The following KCNIP4 variants were observed in gnomAD, a reference collection of about 807,000 sequenced individuals.
KCNIP4 encodes the protein Kv channel-interacting protein 4.
A neutral mutation model predicts 34.0 loss-of-function variants in KCNIP4; 12 were observed. The observed-to-expected ratio is 0.35, with a 90% confidence interval of 0.23 to 0.57. The LOEUF (loss-of-function observed/expected upper bound fraction) is 0.57, where lower values mean the gene tolerates loss of function less well. KCNIP4 is among the 20% of genes least tolerant of loss of function. KCNIP4 has a pLI of 0.83. For missense variants in KCNIP4, 238 were observed against 311.7 expected, an observed-to-expected ratio of 0.76 and a Z score of 1.78; for synonymous variants, 124 against 102.2, an observed-to-expected ratio of 1.21 and a Z score of -1.29.
chr4:21,801,790 T>C (rs1721015062), intron 1 of KCNIP4, among the ~76,000 whole-genome samples: 1 of 151,768 alleles, frequency 6.6e-6, no homozygotes, highest in African/African-American at 2.4e-5. Context: ...AGGATTTTTA[T>C]TTTTTTATAG....
intron 1 of KCNIP4, among the ~76,000 whole-genome samples, chr4:21,218,480 G>C (rs1484491852): frequency 6.6e-6 from 1 of 151,890 alleles, no homozygotes; most frequent in Non-Finnish European, 1.5e-5. Flanking sequence ...ATAAAACTTG[G>C]CATATTAGAG....
chr4:20,927,824 C>T (rs543690795), intron 1 of KCNIP4, among the ~76,000 whole-genome samples: 1 of 152,208 alleles, frequency 6.6e-6, no homozygotes, highest in Non-Finnish European at 1.5e-5. Flanking sequence ...ATAAATGCTA[C>T]ATTTATCTAG....
intron 1 of KCNIP4, among the ~76,000 whole-genome samples, chr4:21,605,920 T>A (rs1013132305): frequency 6.6e-6 from 1 of 152,220 alleles, no homozygotes; most frequent in Non-Finnish European, 1.5e-5. Flanking sequence ...TGAGGGAGTC[T>A]TCTTCCAGAC....
intron 1 of KCNIP4, among the ~76,000 whole-genome samples, chr4:21,130,802 C>T (rs1318362283): frequency 6.6e-6 from 1 of 152,138 alleles, no homozygotes; most frequent in African/African-American, 2.4e-5. Context: ...TATGACTCAG[C>T]AATTTCCCAC....
intron 1 of KCNIP4, among the ~76,000 whole-genome samples, chr4:21,248,939 T>C (rs968895003): frequency 2.6e-5 from 4 of 152,156 alleles, no homozygotes; most frequent in African/African-American, 9.7e-5. Flanking sequence ...CTGTTGTATC[T>C]CCCCATGAGG....
intron 1 of KCNIP4, among the ~76,000 whole-genome samples, chr4:21,924,935 C>G (rs1281326646): frequency 6.6e-6 from 1 of 152,058 alleles, no homozygotes. Flanking sequence ...TGTCCTGAGT[C>G]CTTAAGATAG....
intron 1 of KCNIP4, among the ~76,000 whole-genome samples, chr4:21,520,892 G>C (rs1735463516): frequency 6.6e-6 from 1 of 152,088 alleles, no homozygotes. Context: ...ATGCTCTTAA[G>C]GCATATAAAG....
intron 1 of KCNIP4, among the ~76,000 whole-genome samples, chr4:21,594,704 T>C (rs1237910876): frequency 6.6e-6 from 1 of 152,030 alleles, no homozygotes; most frequent in African/African-American, 2.4e-5. Context: ...AAAGATAATT[T>C]AAAAATTACA....
chr4:21,832,605 A>G (rs200150594), intron 1 of KCNIP4, among the ~76,000 whole-genome samples: 1,271 of 37,040 alleles, frequency 0.034, 14 homozygotes, highest in South Asian at 0.15. Context: ...TATTATTATC[A>G]TACTTTTAAG....
chr4:20,856,767 T>C (rs1168316934), intron 2 of KCNIP4, among the ~76,000 whole-genome samples: 1 of 152,206 alleles, frequency 6.6e-6, no homozygotes, highest in East Asian at 1.9e-4. Context: ...CTCTATTTAT[T>C]GTACTGGGAA....
At chr4:21,849,662 T>C (rs1230890323) in intron 1 of KCNIP4, 1 of 152,138 alleles carries the variant, frequency 6.6e-6, no homozygotes, top group East Asian at 1.9e-4. Flanking sequence ...CCTGAATTTA[T>C]ATCCAATTTA....
intron 1 of KCNIP4, among the ~76,000 whole-genome samples, chr4:21,351,924 G>A (rs144608000): frequency 1.3e-5 from 2 of 152,094 alleles, no homozygotes; most frequent in African/African-American, 4.8e-5. Context: ...TAGCAAACTA[G>A]CATACTAATG....
intron 5 of KCNIP4, among the ~76,000 whole-genome samples, chr4:20,744,674 G>A (rs1471977647): frequency 2.6e-5 from 4 of 152,086 alleles, no homozygotes; most frequent in East Asian, 1.9e-4. Context: ...TGTAAATGAC[G>A]TGTTAATGGG....
At chr4:21,872,350 G>T (rs919994934) in intron 1 of KCNIP4, among the ~76,000 whole-genome samples, 1 of 152,126 alleles carries the variant, frequency 6.6e-6, no homozygotes, top group African/African-American at 2.4e-5. Flanking sequence ...TATGAGCCAG[G>T]ATTTATTCTA....
chr4:20,922,230 C>A (rs1729453479), intron 1 of KCNIP4, among the ~76,000 whole-genome samples: 1 of 152,132 alleles, frequency 6.6e-6, no homozygotes, highest in African/African-American at 2.4e-5. Context: ...AGGGTGTTAA[C>A]TGGAAGAGAT....
At chr4:21,684,090 T>C (rs1750624353) in intron 1 of KCNIP4, among the ~76,000 whole-genome samples, 2 of 152,060 alleles carry the variant, frequency 1.3e-5, no homozygotes, top group South Asian at 2.1e-4. Flanking sequence ...AGTTTACTTA[T>C]ATAACACATG....
intron 1 of KCNIP4, among the ~76,000 whole-genome samples, chr4:21,410,061 G>A (rs74902961): frequency 4.6e-5 from 7 of 152,246 alleles, no homozygotes; most frequent in African/African-American, 1.4e-4. Flanking sequence ...CCTTCTACGA[G>A]AGTACAGTAA....
chr4:20,943,593 C>T (rs1731884582), intron 1 of KCNIP4, among the ~76,000 whole-genome samples: 1 of 152,100 alleles, frequency 6.6e-6, no homozygotes, highest in African/African-American at 2.4e-5. Flanking sequence ...ATGGCTAACC[C>T]CATTTTATGG....
At chr4:21,028,597 TCTTC>T (rs1323929304) in intron 1 of KCNIP4, among the ~76,000 whole-genome samples, 1 of 152,170 alleles carries the variant, frequency 6.6e-6, no homozygotes, top group Non-Finnish European at 1.5e-5. Context: ...TCCCACACTC[TCTTC>T]CTTCCTTCCA....
Sources: gnomAD v4.1 joint callset for allele counts (sites outside exome capture counted in the v4.1 genomes callset) on GRCh38, gnomAD v4.1.1 for gene constraint, MANE v1.5 for transcripts, NCBI Gene and HGNC (gene_info 2026-07-23, HGNC 2026-07-21) for gene names.